The following SLC15A5 variants were observed in gnomAD, a reference collection of about 807,000 sequenced individuals.
The protein encoded by SLC15A5 is solute carrier family 15 member 5.
In SLC15A5, 58 loss-of-function variants were observed where a neutral mutation model predicts 56.1. That is an observed-to-expected ratio of 1.03 (90% CI 0.84 to 1.29). SLC15A5 has a LOEUF of 1.29. Among genes scored for constraint, SLC15A5 ranks in the 50% most tolerant of loss-of-function variants. The probability of loss-of-function intolerance (pLI) is 0.00; values close to 1 mark genes in which losing one functional copy is unlikely to be tolerated. For synonymous variants in SLC15A5, 264 were observed against 250.5 expected (o/e 1.05, Z -0.51); for missense variants, 681 against 672.1 (o/e 1.01, Z -0.15).
At chr12:16,264,379 C>T (rs1463943921) in intron 2 of SLC15A5, among the ~76,000 whole-genome samples, 1 of 152,166 alleles carries the variant, frequency 6.6e-6, no homozygotes, top group Non-Finnish European at 1.5e-5. Context: ...AATACCTGTA[C>T]CCCCATTATA....
chr12:16,213,287 C>T (rs1864100640), intron 7 of SLC15A5, among the ~76,000 whole-genome samples: 2 of 152,088 alleles, frequency 1.3e-5, no homozygotes, highest in African/African-American at 4.8e-5. Context: ...ATATTAATTG[C>T]TTAATCTTCA....
chr12:16,244,960 G>A (rs1048268277), intron 3 of SLC15A5, among the ~76,000 whole-genome samples, 160 bp from the exon 4 acceptor site: 16 of 152,218 alleles, frequency 1.1e-4, no homozygotes, highest in African/African-American at 3.9e-4. Flanking sequence ...TTCTGACAGT[G>A]ATTCTGGCAT....
rs550882012 is a variant in SLC15A5 at position 16,270,673 on chromosome 12, T to C, written c.584+1888A>G. Among the ~76,000 whole-genome samples, 108 of 152,300 alleles carry C rather than the reference T, an allele frequency of 7.1e-4. 4 individuals carry two copies. Among genetic ancestry groups the C allele is most frequent in the Admixed American group, 6.9e-3 (106 of 15,296 alleles). The stretch of plus-strand genomic sequence containing the variant: ...TTTGTGGATGAGGAACCTGGGGCTC[T>C]GAGGAATTAAGGAACTTGCCAAAGA... On this transcript the variant is annotated intron_variant, in intron 2 of 8. Transcript: ENST00000344941.
chr12:16,206,548 C>T (rs553602964), intron 7 of SLC15A5, among the ~76,000 whole-genome samples: 2 of 152,130 alleles, frequency 1.3e-5, no homozygotes, highest in Non-Finnish European at 2.9e-5. Flanking sequence ...AATAAGGACT[C>T]AAATTTTTAT....
rs1418143963 is a variant in SLC15A5, at chr12:16,272,690, T to G, written c.455A>C (p.His152Pro). Residue 152 changes from histidine (H) to proline (P), a missense_variant, in exon 2 of 9, where the codon CAC becomes CCC. By Grantham distance (77) the His-to-Pro change is moderately conservative (BLOSUM62 -2). Coordinates refer to ENST00000344941, the MANE Select transcript of SLC15A5 (RefSeq NM_001170798.1). ...CAGCAGTGCTACATAAAACAGCCTG[T>G]GCTGCTCTGTTTTTGGTATGTTGTT... is the stretch of plus-strand genomic sequence containing the variant. ...AVNNIPKTEQ[H>P]RLFYVALLTI... The G allele has an allele frequency of 1.3e-6, 2 of 1,537,128 alleles. No individual in the cohort carries two copies. The highest frequency in any genetic ancestry group is 1.7e-6 in the Non-Finnish European group (2 of 1,146,788).
intron 5 of SLC15A5, among the ~76,000 whole-genome samples, chr12:16,229,366 G>A (rs1319708429): frequency 6.6e-6 from 1 of 151,954 alleles, no homozygotes; most frequent in Non-Finnish European, 1.5e-5. Context: ...TTCCATCTTA[G>A]GGACTTTTAT....
At chr12:16,214,203 T>G (rs546956529) in intron 7 of SLC15A5, among the ~76,000 whole-genome samples, 4 of 152,376 alleles carry the variant, frequency 2.6e-5, no homozygotes, top group Non-Finnish European at 5.9e-5. Context: ...ACTATATAGA[T>G]TCCCAATAAA....
chr12:16,259,719 C>G (rs1189494566), intron 2 of SLC15A5, among the ~76,000 whole-genome samples: 2 of 152,110 alleles, frequency 1.3e-5, no homozygotes, highest in Non-Finnish European at 1.5e-5. Flanking sequence ...TGAATTTTAA[C>G]TAAGATTATT....
intron 8 of SLC15A5, among the ~76,000 whole-genome samples, chr12:16,193,813 G>C: frequency 1.4e-5 from 2 of 141,922 alleles, no homozygotes; most frequent in Admixed American, 6.9e-5. Context: ...GAGAGAGAGA[G>C]AGAGAGAGAG....
chr12:16,227,729 G>A (rs1010338988), intron 5 of SLC15A5, among the ~76,000 whole-genome samples: 5 of 152,140 alleles, frequency 3.3e-5, no homozygotes, highest in African/African-American at 1.2e-4. Context: ...CTGAAGATAA[G>A]AGAATGAAGA....
chr12:16,210,730 G>T (rs1383646915), intron 7 of SLC15A5, among the ~76,000 whole-genome samples: 1 of 152,088 alleles, frequency 6.6e-6, no homozygotes, highest in Non-Finnish European at 1.5e-5. Flanking sequence ...TTGAATTCAG[G>T]TTCATCTGAC....
intron 5 of SLC15A5, among the ~76,000 whole-genome samples, chr12:16,228,843 GT>G (rs2136251452): frequency 6.9e-6 from 1 of 145,478 alleles, no homozygotes; most frequent in South Asian, 2.3e-4. Context: ...TATATTGATT[GT>G]TTATGTTATT....
chr12:16,190,070 G>A (rs1863826415), intron 8 of SLC15A5, among the ~76,000 whole-genome samples: 2 of 152,166 alleles, frequency 1.3e-5, no homozygotes, highest in Admixed American at 6.5e-5. Context: ...TGTCTTCAGT[G>A]CTGACAGAGA....
intron 6 of SLC15A5, among the ~76,000 whole-genome samples, chr12:16,222,391 A>G (rs960380312): frequency 2.0e-5 from 3 of 152,148 alleles, no homozygotes; most frequent in African/African-American, 7.2e-5. Flanking sequence ...ATACCCTTTC[A>G]TATGTTATGT....
chr12:16,254,144 T>C (rs1157085019), intron 3 of SLC15A5, among the ~76,000 whole-genome samples: 1 of 152,018 alleles, frequency 6.6e-6, no homozygotes, highest in African/African-American at 2.4e-5. Context: ...TGTTGTAGCA[T>C]GTGACAGGAT....
At chr12:16,258,209 T>C (rs1208544114) in intron 2 of SLC15A5, among the ~76,000 whole-genome samples, 1 of 152,202 alleles carries the variant, frequency 6.6e-6, no homozygotes, top group Non-Finnish European at 1.5e-5. Flanking sequence ...AGCACTGTGG[T>C]GCTAAAGAAG....
At chr12:16,263,001 G>A (rs761435230) in intron 2 of SLC15A5, among the ~76,000 whole-genome samples, 2 of 152,114 alleles carry the variant, frequency 1.3e-5, no homozygotes, top group African/African-American at 2.4e-5. Flanking sequence ...TGTGAAAGCA[G>A]AATAATACAG....
intron 2 of SLC15A5, among the ~76,000 whole-genome samples, chr12:16,260,742 T>C (rs150013776): frequency 7.1e-6 from 1 of 140,578 alleles, no homozygotes; most frequent in African/African-American, 2.7e-5. Context: ...TAAACCTAAG[T>C]CACAAGTATT....
chr12:16,275,318 A>G (rs1324263461), intron 1 of SLC15A5, among the ~76,000 whole-genome samples: 1 of 152,114 alleles, frequency 6.6e-6, no homozygotes, highest in East Asian at 1.9e-4. Flanking sequence ...AGGAGAAGTT[A>G]GCAAGGTTGG....
Sources: allele counts gnomAD v4.1 joint callset (sites outside exome capture counted in the v4.1 genomes callset), GRCh38; gene constraint gnomAD v4.1.1; transcripts MANE v1.5; gene names NCBI Gene and HGNC (gene_info 2026-07-23, HGNC 2026-07-21).